PCBP2: variants seen among roughly 807,000 people sequenced by gnomAD.
PCBP2 encodes poly(rC)-binding protein 2.
In PCBP2, 4 loss-of-function variants were observed where a neutral mutation model predicts 50.1. That is an observed-to-expected ratio of 0.08 (90% CI 0.04 to 0.18). PCBP2 has a LOEUF of 0.18. Among genes scored for constraint, PCBP2 ranks in the 10% least tolerant of loss-of-function variants. PCBP2 has a pLI of 1.00. For synonymous variants in PCBP2, 179 were observed against 168.0 expected (o/e 1.07, Z -0.51); for missense variants, 161 against 474.3 (o/e 0.34, Z 6.14).
chr12:53,460,654 G>A (rs1275027937), intron 6 of PCBP2: 2 of 233,902 alleles, frequency 8.6e-6, no homozygotes, highest in Non-Finnish European at 1.7e-5. Flanking sequence ...GAATGGCCTT[G>A]ATGTAAATAT....
In PCBP2 at chr12:53,456,450, T is replaced by A. The variant is rs539869425; in HGVS notation, c.243+449T>A. ...TCCAGCCTGGGCAACAGAGTGAGAC[T>A]CTGTCTCAAAAAAAAAAAAAAGTCA... is the stretch of plus-strand genomic sequence containing the variant. On this transcript the variant is annotated intron_variant, in intron 5 of 14. Transcript: ENST00000546463. Among the ~76,000 whole-genome samples the A allele has an allele frequency of 4.0e-3, 599 of 151,040 alleles. 4 individuals are homozygous for A. Among genetic ancestry groups the A allele is most frequent in the African/African-American group, 0.013 (544 of 41,074 alleles).
At chr12:53,454,578 T>C (rs2137014467) in intron 1 of PCBP2, 148 bp from the exon 2 acceptor site, 2 of 547,330 alleles carry the variant, frequency 3.7e-6, no homozygotes, top group Non-Finnish European at 6.6e-6. Context: ...TATTTTGTCA[T>C]GCAGTTGTGC....
intron 7 of PCBP2, among the ~76,000 whole-genome samples, 197 bp downstream of exon 7, chr12:53,461,340 C>G (rs1941431077): frequency 6.6e-6 from 1 of 152,202 alleles, no homozygotes; most frequent in South Asian, 2.1e-4. Context: ...AAAATAGAAA[C>G]TGCTAAGCAG....
chr12:53,457,542 TC>T (rs1420110302), intron 5 of PCBP2, among the ~76,000 whole-genome samples: 1 of 151,908 alleles, frequency 6.6e-6, no homozygotes, highest in Non-Finnish European at 1.5e-5. Context: ...GACTGAGTCT[TC>T]CTGTGTTGCC....
At chr12:53,471,568 G>T (rs997502687) in intron 13 of PCBP2, 70 bp from the exon 14 acceptor site, 23 of 1,369,824 alleles carry the variant, frequency 1.7e-5, no homozygotes, top group Non-Finnish European at 2.2e-5. Context: ...TTTGGGGTGG[G>T]GGGGTGGGAT....
intron 14 of PCBP2, chr12:53,476,118 C>A (rs191066073): frequency 6.6e-6 from 1 of 152,190 alleles, no homozygotes; most frequent in African/African-American, 2.4e-5. Context: ...TCAGCCAACC[C>A]GTGACATTAT....
At chr12:53,472,838 G>A (rs1205586863) in intron 14 of PCBP2, among the ~76,000 whole-genome samples, 2 of 152,164 alleles carry the variant, frequency 1.3e-5, no homozygotes, top group Admixed American at 6.5e-5. Context: ...ATATCTTGAG[G>A]TGCTACTACT....
chr12:53,463,832 C>G (rs1407116776), intron 8 of PCBP2, among the ~76,000 whole-genome samples: 3 of 152,184 alleles, frequency 2.0e-5, no homozygotes, highest in Non-Finnish European at 2.9e-5. Flanking sequence ...TCCATCTTAC[C>G]TGCGTTTGAT....
At chr12:53,468,932 T>TTC in intron 13 of PCBP2, 100 bp downstream of exon 13, 1 of 961,466 alleles carries the variant, frequency 1.0e-6, no homozygotes, top group African/African-American at 1.7e-5. Flanking sequence ...TTTTTTTTTT[T>TTC]TTTTAAACAG....
At position 53,459,322 on chromosome 12, in the gene PCBP2, C is replaced by T. The variant is rs1432313884; in HGVS notation, c.294C>T (p.Val98=). 2.5e-6 allele frequency: 4 copies of T among 1,612,874 alleles called. No individual in the cohort carries two copies. The highest frequency in any genetic ancestry group is 3.4e-6 in the Non-Finnish European group (4 of 1,179,264). ...TNSTAASRPP[V]TLRLVVPASQ... Reference sequence around the variant, plus strand: ...GCACAGCTGCCAGTAGACCCCCGGTCACCCTGAGGCTGGTGGTCCCTGCTA... The same window carrying T: ...GCACAGCTGCCAGTAGACCCCCGGTTACCCTGAGGCTGGTGGTCCCTGCTA... The change falls in exon 6 of 15, where the codon GTC becomes GTT. Residue 98 remains valine (V), a synonymous_variant. Transcript: ENST00000546463.
chr12:53,458,236 G>C (rs1189026216), intron 5 of PCBP2, among the ~76,000 whole-genome samples: 1 of 151,258 alleles, frequency 6.6e-6, no homozygotes, highest in Non-Finnish European at 1.5e-5. Context: ...CCTGTTTTTA[G>C]TTTTCTAACA....
At chr12:53,453,948 TC>T (rs1235343228) in intron 1 of PCBP2, among the ~76,000 whole-genome samples, 5 of 152,238 alleles carry the variant, frequency 3.3e-5, no homozygotes, top group African/African-American at 1.2e-4. Flanking sequence ...TTGATTGTTT[TC>T]TTTGGAAGGA....
At chr12:53,471,317 T>C (rs1942218010) in intron 13 of PCBP2, among the ~76,000 whole-genome samples, 1 of 151,594 alleles carries the variant, frequency 6.6e-6, no homozygotes, top group Admixed American at 6.6e-5. Flanking sequence ...CGGTGGCTTA[T>C]ACCTGTAATC....
rs1941518204 is a variant in PCBP2, at chr12:53,462,549, C to T, written c.561C>T (p.Val187=). Residue 187 remains valine, a synonymous_variant, in exon 8 of 15, where the codon GTC becomes GTT. Transcript: ENST00000546463. ...GGCCCAAGCCGTCCAGCTCTCCGGT[C>T]ATCTTTGCAGGTGGTCAGGTAAGAA... The part of the protein sequence containing the change: ...PYRPKPSSSP[V]IFAGGQDRYS... 1.2e-6 allele frequency: 2 copies of T among 1,613,280 alleles called. No homozygotes were observed. The highest frequency in any genetic ancestry group is 1.7e-6 in the Non-Finnish European group (2 of 1,179,466).
chr12:53,466,131 A>G lies in PCBP2; in HGVS notation c.714+158A>G, dbSNP rs7976378. 2.1e-3 allele frequency among the ~76,000 whole-genome samples: 314 copies of G among 152,328 alleles called. 1 individual carries two copies. The highest frequency in any genetic ancestry group is 7.3e-3 in the African/African-American group (303 of 41,572). On this transcript the variant is annotated intron_variant, in intron 10 of 14. Transcript: ENST00000546463. ...GGTCAATCCCATATTTTAGCCCTTT[A>G]ATCAGGGTAATGCCTTGTTTGCCTT...
Position 53,480,321 on chromosome 12 carries a change from A to G in PCBP2, c.*879A>G, listed in dbSNP as rs982316800. 45 of 152,358 alleles carry G rather than the reference A, an allele frequency of 3.0e-4. No homozygotes were observed. The highest frequency in any genetic ancestry group is 1.1e-3 in the African/African-American group (44 of 41,566). 9.4% of individuals were successfully genotyped at this position (152,358 alleles called of 1,614,324 possible). A position where few individuals can be genotyped will look rare whatever the true frequency, so the allele number is the denominator to read the frequency against. The stretch of plus-strand genomic sequence containing the variant: ...GATGTATCTGCTACCATTTATTCCT[A>G]TAATTTTAGAAAGTTGGGGCTTGAC... On this transcript the variant is annotated 3_prime_UTR_variant, in exon 15 of 15. Transcript: ENST00000546463.
chr12:53,456,638 C>T (rs1941040283), intron 5 of PCBP2, among the ~76,000 whole-genome samples: 1 of 152,188 alleles, frequency 6.6e-6, no homozygotes, highest in Non-Finnish European at 1.5e-5. Context: ...TCTTCCAATC[C>T]TGATGATTTT....
At chr12:53,467,639 G>A (rs749624185) in intron 11 of PCBP2, 166 bp from the exon 12 acceptor site, 2 of 670,422 alleles carry the variant, frequency 3.0e-6, no homozygotes, top group South Asian at 3.6e-5. Flanking sequence ...GCAATTCACA[G>A]GCTTGGGTAG....
chr12:53,468,891 TGTC>T lies in PCBP2; in HGVS notation c.882+62_882+64del, dbSNP rs1941997800. On this transcript the variant is annotated intron_variant, in intron 13 of 14. Transcript: ENST00000546463. ...AGAAAATAGACTGTAAAGAAATAGA[TGTC>T]GTTTCAGCAGTGTCCTGCTACCCTT... 1.1e-4 allele frequency: 139 copies of T among 1,274,832 alleles called. 1 individual carries two copies. In the South Asian group the frequency reaches 1.6e-3, roughly 14 times the overall value. The allele number at this position is 1,274,832 out of a possible 1,614,324, so 79.0% of individuals were successfully genotyped here.
Sources: gnomAD v4.1 joint callset for allele counts (sites outside exome capture counted in the v4.1 genomes callset) on GRCh38, gnomAD v4.1.1 for gene constraint, MANE v1.5 for transcripts, NCBI Gene and HGNC (gene_info 2026-07-23, HGNC 2026-07-21) for gene names.